The following DACH2 variants were observed in gnomAD, a reference collection of about 807,000 sequenced individuals.
DACH2 encodes dachshund family transcription factor 2.
A neutral mutation model predicts 35.8 loss-of-function variants in DACH2; 17 were observed. The observed-to-expected ratio is 0.48, with a 90% confidence interval of 0.33 to 0.71. The LOEUF is 0.71. Among genes scored for constraint, DACH2 ranks in the 30% least tolerant of loss-of-function variants. The pLI, the probability that DACH2 is intolerant of heterozygous loss-of-function variation, is 0.02. For missense variants in DACH2, 469 were observed against 472.7 expected (o/e 0.99, Z 0.07); for synonymous variants, 195 against 177.3 (o/e 1.10, Z -0.79).
chrX:86,236,620 T>C (rs1201369627), intron 1 of DACH2, among the ~76,000 whole-genome samples: 9 of 112,285 alleles, frequency 8.0e-5, no homozygotes, highest in Non-Finnish European at 1.7e-4. Context: ...TACTGAATAC[T>C]GTAGACAATT....
intron 2 of DACH2, among the ~76,000 whole-genome samples, chrX:86,382,941 A>T (rs929780781): frequency 9.0e-6 from 1 of 110,680 alleles, no homozygotes; most frequent in African/African-American, 3.3e-5. Context: ...AAGATCTTTC[A>T]TTGCTATTTT....
At chrX:86,626,502 G>A (rs61494539) in intron 3 of DACH2, among the ~76,000 whole-genome samples, 41,253 of 111,758 alleles carry the variant, frequency 0.37, 6,282 homozygotes, top group East Asian at 0.82. Context: ...GCAGTGCACT[G>A]GTGGGGACTC....
intron 2 of DACH2, among the ~76,000 whole-genome samples, chrX:86,450,728 AC>A: frequency 1.0e-5 from 1 of 99,196 alleles, no homozygotes; most frequent in South Asian, 4.2e-4. Flanking sequence ...GCTTGCCAGA[AC>A]CTTTTTTTTT....
At chrX:86,528,095 A>G (rs979894241) in intron 3 of DACH2, among the ~76,000 whole-genome samples, 4 of 111,589 alleles carry the variant, frequency 3.6e-5, no homozygotes, top group Non-Finnish European at 7.5e-5. Context: ...TTGGCTCTCT[A>G]CAGCGTCATG....
At chrX:86,462,764 C>A (rs2037597640) in intron 2 of DACH2, among the ~76,000 whole-genome samples, 1 of 111,425 alleles carries the variant, frequency 9.0e-6, no homozygotes, top group South Asian at 3.7e-4. Context: ...ATACAAATTT[C>A]TCTCAGGAGT....
chrX:86,346,461 T>A (rs186473782), intron 1 of DACH2, among the ~76,000 whole-genome samples: 81 of 110,643 alleles, frequency 7.3e-4, no homozygotes, highest in Admixed American at 1.5e-3. Flanking sequence ...GCTGAGAGTA[T>A]CATTTTCTTC....
intron 5 of DACH2, among the ~76,000 whole-genome samples, chrX:86,708,080 A>G (rs1420396160): frequency 9.2e-6 from 1 of 109,146 alleles, no homozygotes; most frequent in Non-Finnish European, 1.9e-5. Flanking sequence ...TTTTGAGAAA[A>G]TACAATACCC....
At chrX:86,375,602 A>G (rs987241636) in intron 1 of DACH2, among the ~76,000 whole-genome samples, 6 of 107,111 alleles carry the variant, frequency 5.6e-5, no homozygotes, top group African/African-American at 2.0e-4. Context: ...GAACAGTGTC[A>G]CCTCAGAAGA....
At chrX:86,512,881 C>G (rs2038415091) in intron 2 of DACH2, 1 of 327,947 alleles carries the variant, frequency 3.0e-6, no homozygotes, top group Non-Finnish European at 5.9e-6. Context: ...CGGTAAAACA[C>G]TGAGTTAAAG....
intron 1 of DACH2, among the ~76,000 whole-genome samples, chrX:86,220,943 G>C (rs749510070): frequency 8.9e-6 from 1 of 111,742 alleles, no homozygotes; most frequent in South Asian, 3.8e-4. Flanking sequence ...TTGTGGTTTT[G>C]ATGTGCATTT....
At chrX:86,816,283 T>G (rs1474204993) in intron 11 of DACH2, among the ~76,000 whole-genome samples, 184 bp downstream of exon 11, 1 of 111,497 alleles carries the variant, frequency 9.0e-6, no homozygotes, top group Non-Finnish European at 1.9e-5. Context: ...AAAAAATACT[T>G]AACATGGCTT....
intron 7 of DACH2, among the ~76,000 whole-genome samples, chrX:86,767,940 GTTTT>G (rs755094612): frequency 2.7e-5 from 3 of 110,750 alleles, no homozygotes; most frequent in Non-Finnish European, 5.7e-5. Context: ...TTTGTTGTTT[GTTTT>G]TTGTTTGTTT....
At chrX:86,466,002 T>C (rs1315836416) in intron 2 of DACH2, among the ~76,000 whole-genome samples, 1 of 111,428 alleles carries the variant, frequency 9.0e-6, no homozygotes, top group Non-Finnish European at 1.9e-5. Context: ...ATAATAAAAG[T>C]GGGAAAGGTA....
chrX:86,436,250 C>G (rs2037065955), intron 2 of DACH2, among the ~76,000 whole-genome samples: 1 of 110,514 alleles, frequency 9.0e-6, no homozygotes, highest in Non-Finnish European at 1.9e-5. Flanking sequence ...AAGGGCATAA[C>G]TGAAACTCTT....
intron 1 of DACH2, among the ~76,000 whole-genome samples, chrX:86,311,517 A>G (rs1456012662): frequency 9.0e-6 from 1 of 111,151 alleles, no homozygotes; most frequent in Non-Finnish European, 1.9e-5. Flanking sequence ...CATCCAATAT[A>G]TGGTACTGTT....
intron 7 of DACH2, among the ~76,000 whole-genome samples, chrX:86,807,888 A>G (rs1403960606): frequency 8.9e-6 from 1 of 112,048 alleles, no homozygotes; most frequent in Non-Finnish European, 1.9e-5. Flanking sequence ...TTTAAGGAAA[A>G]TTGTTAAATA....
intron 2 of DACH2, among the ~76,000 whole-genome samples, chrX:86,439,622 C>G (rs771988590): frequency 9.0e-6 from 1 of 111,161 alleles, no homozygotes; most frequent in Admixed American, 9.6e-5. Context: ...ATATAGATAT[C>G]CAATATTCCA....
Position 86,224,773 on chromosome X carries a change from A to G in DACH2, c.488+75665A>G, listed in dbSNP as rs2032787040. Among the ~76,000 whole-genome samples, 3 of 111,745 alleles carry G rather than the reference A, an allele frequency of 2.7e-5. No homozygotes were observed. In the South Asian group the frequency reaches 1.1e-3, roughly 42 times the overall value. On this transcript the variant is annotated intron_variant, in intron 1 of 11. Coordinates refer to ENST00000373125, the MANE Select transcript of DACH2 (RefSeq NM_053281.3). ...TCATTTTACACAGCTTAAGAACAGG[A>G]AAATGCATGATCATCAAGAAAGCCT...
At chrX:86,173,959 C>T (rs2031216581) in intron 1 of DACH2, among the ~76,000 whole-genome samples, 1 of 110,413 alleles carries the variant, frequency 9.1e-6, no homozygotes, top group African/African-American at 3.3e-5. Flanking sequence ...ACCAACAGCA[C>T]TTCATGATGA....
Sources: gnomAD v4.1 joint callset for allele counts (sites outside exome capture counted in the v4.1 genomes callset) on GRCh38, gnomAD v4.1.1 for gene constraint, MANE v1.5 for transcripts, NCBI Gene and HGNC (gene_info 2026-07-23, HGNC 2026-07-21) for gene names.